Variants in SLC9A2 observed in about 807,000 individuals in gnomAD.
SLC9A2 encodes solute carrier family 9 member A2, also known as sodium/hydrogen exchanger 2.
SLC9A2 carries 42 observed loss-of-function variants against 71.7 expected under a neutral mutation model. The ratio of observed to expected loss-of-function variants is 0.59; its 90% confidence interval spans 0.46 to 0.76. The LOEUF (loss-of-function observed/expected upper bound fraction) is 0.76, where lower values mean the gene tolerates loss of function less well. SLC9A2 is among the 30% of genes least tolerant of loss of function. The pLI is 0.00. For missense variants in SLC9A2, 829 were observed against 1,017.4 expected (o/e 0.81, Z 2.52); for synonymous variants, 396 against 392.5 (o/e 1.01, Z -0.10).
intron 3 of SLC9A2, among the ~76,000 whole-genome samples, chr2:102,674,524 G>A (rs951319585): frequency 2.0e-5 from 3 of 152,226 alleles, no homozygotes; most frequent in African/African-American, 7.2e-5. Flanking sequence ...GACTTTGTCA[G>A]TATTCCCAGG....
At chr2:102,702,626 T>C in intron 9 of SLC9A2, 124 bp downstream of exon 9, 1 of 614,794 alleles carries the variant, frequency 1.6e-6, no homozygotes, top group South Asian at 2.1e-5. Context: ...GCTGGGCATC[T>C]TCTCTCCTTC....
At chr2:102,639,029 T>C (rs1256037478) in intron 1 of SLC9A2, among the ~76,000 whole-genome samples, 3 of 152,126 alleles carry the variant, frequency 2.0e-5, no homozygotes, top group Non-Finnish European at 4.4e-5. Flanking sequence ...ACAAAAAATT[T>C]AAAAATCAGC....
intron 7 of SLC9A2, among the ~76,000 whole-genome samples, chr2:102,700,344 G>T (rs892290995): frequency 6.6e-6 from 1 of 152,106 alleles, no homozygotes; most frequent in East Asian, 1.9e-4. Context: ...AGATGGTGAC[G>T]GGAGTGAGTG....
intron 3 of SLC9A2, among the ~76,000 whole-genome samples, chr2:102,682,633 G>T (rs1677475310): frequency 6.6e-6 from 1 of 152,206 alleles, no homozygotes; most frequent in Non-Finnish European, 1.5e-5. Flanking sequence ...CTCAGAACCT[G>T]TTAAAACCTT....
At chr2:102,623,269 G>A (rs1676178561) in intron 1 of SLC9A2, among the ~76,000 whole-genome samples, 1 of 152,118 alleles carries the variant, frequency 6.6e-6, no homozygotes, top group African/African-American at 2.4e-5. Context: ...GCAGAGAGTG[G>A]TCTGAACAGC....
chr2:102,642,305 C>T (rs191539601), intron 1 of SLC9A2, among the ~76,000 whole-genome samples: 12 of 152,120 alleles, frequency 7.9e-5, no homozygotes, highest in Non-Finnish European at 1.6e-4. Context: ...ACCAGTCAGG[C>T]TTTCTGAAGA....
chr2:102,689,699 G>A (rs745892949), intron 5 of SLC9A2: 1 of 152,156 alleles, frequency 6.6e-6, no homozygotes, highest in African/African-American at 2.4e-5. Flanking sequence ...TTTTTAAGAT[G>A]GAACAATGTA....
chr2:102,665,013 A>G (rs1001646958), intron 2 of SLC9A2, 87 bp from the exon 3 acceptor site: 8 of 1,368,072 alleles, frequency 5.8e-6, no homozygotes, highest in African/African-American at 1.5e-5. Flanking sequence ...TGTCCTTATT[A>G]GAAGTCCAGG....
At chr2:102,695,384 A>T (rs1677737903) in intron 7 of SLC9A2, among the ~76,000 whole-genome samples, 1 of 152,126 alleles carries the variant, frequency 6.6e-6, no homozygotes, top group African/African-American at 2.4e-5. Context: ...GGGTCCGAGG[A>T]CTGTCTGTCT....
rs12373688 is a variant in SLC9A2 at position 102,666,014 on chromosome 2, T to C, written c.1004+664T>C. Among the ~76,000 whole-genome samples, 1,411 of 152,066 alleles carry C rather than the reference T, an allele frequency of 9.3e-3. 28 individuals are homozygous for C. Among genetic ancestry groups the C allele is most frequent in the African/African-American group, 0.033 (1,368 of 41,480 alleles). ...GTTGCCCACGTGGGAACCTATAAGC[T>C]TATTCCAACAAAGTTGCATCCCAAG... On this transcript the variant is annotated intron_variant, in intron 3 of 11. Transcript: ENST00000233969.
chr2:102,619,936 G>T lies in SLC9A2; in HGVS notation c.88G>T (p.Gly30Cys), dbSNP rs1355618924. ...LLLLQVAGPVGALAETLLNAP... is the reference protein window; with the variant it reads ...LLLLQVAGPVCALAETLLNAP... ...GCTCCTGCAGGTGGCGGGGCCCGTG[G>T]GCGCCCTGGCGGAGACCTTGCTGAA... Residue 30 changes from glycine to cysteine, a missense_variant, in exon 1 of 12, where the codon GGC becomes TGC. Physicochemically the swap from Gly to Cys is radical, Grantham distance 159 (BLOSUM62 -3). Around this residue, in one of 3 missense-constraint regions of SLC9A2, gnomAD observed 106 missense variants for 93.5 expected, o/e 1.13. Transcript: ENST00000233969. This position sits in a 1 kb window ranked among gnomAD's most constrained non-coding sequence, Gnocchi z 4.3. The T allele has an allele frequency of 6.2e-7, 1 of 1,606,974 alleles. No individual in the cohort carries two copies.
At chr2:102,670,628 C>G (rs1420745693) in intron 3 of SLC9A2, among the ~76,000 whole-genome samples, 1 of 149,324 alleles carries the variant, frequency 6.7e-6, no homozygotes, top group Non-Finnish European at 1.5e-5. Context: ...AAAAACAACC[C>G]CAGCACATCC....
chr2:102,682,819 C>T (rs1033282174), intron 3 of SLC9A2, among the ~76,000 whole-genome samples: 1 of 152,114 alleles, frequency 6.6e-6, no homozygotes, highest in African/African-American at 2.4e-5. Context: ...CTAATGCAAG[C>T]CCATTTTCAA....
Position 102,665,081 on chromosome 2 carries a change from G to GTTT in SLC9A2, c.754-10_754-8dup, listed in dbSNP as rs35151143. On this transcript the variant is annotated intron_variant, in intron 2 of 11. Coordinates refer to ENST00000233969, the MANE Select transcript of SLC9A2 (RefSeq NM_003048.6). ...AAATGGGAAAGGGTCTTGACAAGGT[G>GTTT]TTTTTTTTTTTCCTGCAGGTCCTGT... is the stretch of plus-strand genomic sequence containing the variant. 10 of 1,347,526 alleles carry GTTT rather than the reference G, an allele frequency of 7.4e-6. No individual in the cohort carries two copies. Among genetic ancestry groups the GTTT allele is most frequent in the African/African-American group, 3.0e-5 (2 of 66,758 alleles). 83.5% of individuals were successfully genotyped at this position (1,347,526 alleles called of 1,614,324 possible).
intron 1 of SLC9A2, among the ~76,000 whole-genome samples, chr2:102,653,090 ATCTT>A (rs1676866341): frequency 6.6e-6 from 1 of 152,192 alleles, no homozygotes; most frequent in Non-Finnish European, 1.5e-5. Flanking sequence ...TGCCCAGAAA[ATCTT>A]TTATGCCATC....
At chr2:102,689,501 T>C (rs1366168465) in intron 5 of SLC9A2, among the ~76,000 whole-genome samples, 1 of 130,410 alleles carries the variant, frequency 7.7e-6, no homozygotes, top group Admixed American at 7.7e-5. Flanking sequence ...CACTATTTTA[T>C]AGACCTTGTG....
At chr2:102,701,044 T>C in intron 7 of SLC9A2, 26 bp from the exon 8 acceptor site, 1 of 1,494,874 alleles carries the variant, frequency 6.7e-7, no homozygotes, top group Non-Finnish European at 9.1e-7. Flanking sequence ...CCAGTATTAA[T>C]TTATTGAAAG....
intron 1 of SLC9A2, among the ~76,000 whole-genome samples, chr2:102,643,509 T>C (rs529205455): frequency 1.2e-4 from 18 of 152,344 alleles, no homozygotes; most frequent in Non-Finnish European, 2.5e-4. Context: ...CCTGTGCCCA[T>C]TGGCATTTCT....
At chr2:102,632,911 A>G (rs1278739918) in intron 1 of SLC9A2, among the ~76,000 whole-genome samples, 1 of 152,162 alleles carries the variant, frequency 6.6e-6, no homozygotes, top group Non-Finnish European at 1.5e-5. Context: ...CTCCATAGCC[A>G]TATTTCTGTG....
Sources: allele counts gnomAD v4.1 joint callset (sites outside exome capture counted in the v4.1 genomes callset), GRCh38; gene constraint gnomAD v4.1.1; regional missense constraint gnomAD v4.1.1; non-coding constraint Gnocchi (gnomAD v3.1); transcripts MANE v1.5; gene names NCBI Gene and HGNC (gene_info 2026-07-23, HGNC 2026-07-21).